SASS6: variants seen among roughly 807,000 people sequenced by gnomAD.
SASS6 encodes spindle assembly abnormal protein 6 homolog.
SASS6 carries 59 observed loss-of-function variants against 94.9 expected under a neutral mutation model. The ratio of observed to expected loss-of-function variants is 0.62; its 90% CI spans 0.50 to 0.77. The LOEUF is 0.77. SASS6 is among the 30% of genes least tolerant of loss of function. The pLI is 0.00. For missense variants in SASS6, 698 were observed against 734.1 expected (o/e 0.95, Z 0.57); for synonymous variants, 264 against 270.0 (o/e 0.98, Z 0.22).
Position 100,085,270 on chromosome 1 carries a change from A to G in SASS6, c.*58T>C, listed in dbSNP as rs1207590074. The G allele has an allele frequency of 6.4e-6, 7 of 1,088,628 alleles. No homozygotes were observed. The highest frequency in any genetic ancestry group is 1.0e-5 in the Non-Finnish European group (7 of 703,194). The allele number at this position is 1,088,628 out of a possible 1,614,324, so 67.4% of individuals were successfully genotyped here. A position where few individuals can be genotyped will look rare whatever the true frequency, so the allele number is the denominator to read the frequency against. On this transcript the variant is annotated 3_prime_UTR_variant, in exon 17 of 17. Coordinates refer to ENST00000287482, the MANE Select transcript of SASS6 (RefSeq NM_194292.3). ...TTGAGGATCTGGTTTGTGTTGACAT[A>G]TTTTTTAAGCACCTGAGTTTCTAAA...
Position 100,123,307 on chromosome 1 carries a change from GT to G in SASS6, c.127-19del. ...ACTAAGTCCTAAAAGAAAGTTTGTTGTTTTTAAATGTTTTTACTAGATCTGG... is the reference window on the plus strand; with the variant it reads ...ACTAAGTCCTAAAAGAAAGTTTGTTGTTTTAAATGTTTTTACTAGATCTGG... On this transcript the variant is annotated intron_variant, in intron 2 of 16. Coordinates refer to ENST00000287482, the MANE Select transcript of SASS6 (RefSeq NM_194292.3). 8.1e-7 allele frequency: 1 copy of G among 1,229,990 alleles called. No individual in the cohort carries two copies. The highest frequency in any genetic ancestry group is 1.2e-6 in the Non-Finnish European group (1 of 855,552). The allele number at this position is 1,229,990 out of a possible 1,614,324, so 76.2% of individuals were successfully genotyped here. A position where few individuals can be genotyped will look rare whatever the true frequency, so the allele number is the denominator to read the frequency against.
intron 12 of SASS6, 71 bp downstream of exon 12, chr1:100,106,841 G>A (rs1197391709): frequency 2.8e-6 from 2 of 711,016 alleles, no homozygotes; most frequent in African/African-American, 3.6e-5. Flanking sequence ...GTGACAGAGT[G>A]AGACCGTGTC....
chr1:100,122,549 C>T (rs1396182917), intron 3 of SASS6, 65 bp from the exon 4 acceptor site: 43 of 224,054 alleles, frequency 1.9e-4, no homozygotes, highest in East Asian at 8.1e-4. Context: ...GTTTTGGTGC[C>T]TTTTTTTTTT....
chr1:100,114,940 CTT>C (rs1420204374), intron 7 of SASS6, among the ~76,000 whole-genome samples: 1 of 152,140 alleles, frequency 6.6e-6, no homozygotes, highest in African/African-American at 2.4e-5. Flanking sequence ...ACTTAGCACT[CTT>C]TGAATTAAAA....
At chr1:100,086,865 C>CA (rs1651325177) in intron 15 of SASS6, among the ~76,000 whole-genome samples, 1 of 152,082 alleles carries the variant, frequency 6.6e-6, no homozygotes, top group Admixed American at 6.6e-5. Flanking sequence ...TTAAATATAT[C>CA]AAACATTATG....
chr1:100,107,458 G>A lies in SASS6; in HGVS notation c.1242C>T (p.Leu414=). The A allele has an allele frequency of 1.2e-6, 2 of 1,606,564 alleles. No homozygotes were observed. The highest frequency in any genetic ancestry group is 1.1e-5 in the South Asian group (1 of 90,890). Reference sequence around the variant, plus strand: ...GTAATTTTTCCTCCTTCTCAGCCAAGAGTTTTTCTTGCTGAATAGTAACTG... The same window carrying A: ...GTAATTTTTCCTCCTTCTCAGCCAAAAGTTTTTCTTGCTGAATAGTAACTG... ...KNTVTIQQEK[L]LAEKEEKLQK... Residue 414 remains leucine (L), a synonymous_variant, in exon 11 of 17, where the codon CTC becomes CTT. Coordinates refer to ENST00000287482, the MANE Select transcript of SASS6 (RefSeq NM_194292.3).
intron 13 of SASS6, among the ~76,000 whole-genome samples, chr1:100,103,595 T>C (rs1652665341): frequency 6.6e-6 from 1 of 152,188 alleles, no homozygotes; most frequent in Non-Finnish European, 1.5e-5. Flanking sequence ...CTGAGACCAG[T>C]TGTAACAGAA....
At chr1:100,123,139 G>A (rs1424946382) in intron 3 of SASS6, 71 bp downstream of exon 3, 8 of 665,120 alleles carry the variant, frequency 1.2e-5, no homozygotes, top group Middle Eastern at 3.4e-4. Flanking sequence ...GTGTTTGAAA[G>A]AGAACAGTAC....
intron 4 of SASS6, 128 bp downstream of exon 4, chr1:100,122,252 T>C (rs573878924): frequency 7.2e-5 from 34 of 475,462 alleles, no homozygotes; most frequent in South Asian, 4.9e-4. Context: ...AATGGAGGCC[T>C]AACCCCAGTT....
At position 100,107,099 on chromosome 1, in the gene SASS6, CTAT is replaced by C. The variant is rs200077494; in HGVS notation, c.1327-109_1327-107del. The C allele has an allele frequency of 2.6e-3, 1,617 of 616,902 alleles. 20 individuals are homozygous for C. In the African/African-American group the frequency reaches 0.027, roughly 10 times the overall value. 38.2% of individuals were successfully genotyped at this position (616,902 alleles called of 1,614,324 possible). The stretch of plus-strand genomic sequence containing the variant: ...ATAATTACATAAATGGTTACTACTA[CTAT>C]TATTAAATGAGAATAAAGGAATTAG... On this transcript the variant is annotated intron_variant, in intron 11 of 16. Transcript: ENST00000287482.
At chr1:100,114,598 G>A (rs1368803095) in intron 7 of SASS6, among the ~76,000 whole-genome samples, 1 of 151,740 alleles carries the variant, frequency 6.6e-6, no homozygotes, top group Non-Finnish European at 1.5e-5. Context: ...TGTATCTGTG[G>A]TCCCAGCTAC....
intron 2 of SASS6, among the ~76,000 whole-genome samples, chr1:100,125,329 T>C (rs1197426956): frequency 6.6e-6 from 1 of 150,734 alleles, no homozygotes; most frequent in Non-Finnish European, 1.5e-5. Context: ...CTAAGTGCAC[T>C]GGGCAAATCT....
chr1:100,099,377 A>G (rs1652309377), intron 14 of SASS6: 1 of 153,718 alleles, frequency 6.5e-6, no homozygotes, highest in South Asian at 2.1e-4. Context: ...AGAAACTCAA[A>G]CCCTAGAGAA....
intron 1 of SASS6, 34 bp from the exon 2 acceptor site, chr1:100,125,976 A>G (rs756756817): frequency 8.8e-7 from 1 of 1,133,914 alleles, no homozygotes; most frequent in East Asian, 2.6e-5. Context: ...CATCAGAAAC[A>G]TTCACACGAA....
At chr1:100,089,965 A>G (rs1352343107) in intron 14 of SASS6, among the ~76,000 whole-genome samples, 1 of 152,058 alleles carries the variant, frequency 6.6e-6, no homozygotes, top group African/African-American at 2.4e-5. Context: ...TAGCAAAAAG[A>G]AGGGAAGAAA....
intron 14 of SASS6, among the ~76,000 whole-genome samples, chr1:100,093,974 G>C (rs1263609880): frequency 1.3e-5 from 2 of 151,988 alleles, no homozygotes; most frequent in East Asian, 3.9e-4. Flanking sequence ...AGTTAGAAGG[G>C]AAAAAATATT....
At position 100,119,073 on chromosome 1, in the gene SASS6, G is replaced by C. The variant is rs757562676; in HGVS notation, c.614C>G (p.Ala205Gly). 3 of 1,589,120 alleles carry C rather than the reference G, an allele frequency of 1.9e-6. No individual in the cohort carries two copies. The Admixed American group carries it at 5.0e-5, about 27-fold the overall frequency. ...LRNEWASHTA[A>G]LTNKHSQELT... ...TTCCTGAGAATGCTTGTTTGTCAAG[G>C]CTGCTGTATGTGACGCCCATTCATT... The change falls in exon 7 of 17, where the codon GCC becomes GGC. Residue 205 changes from alanine (A) to glycine (G), a missense_variant. Physicochemically the swap from Ala to Gly is moderately conservative, Grantham distance 60. Transcript: ENST00000287482.
Position 100,126,179 on chromosome 1 carries a change from T to C in SASS6, c.66-237A>G, listed in dbSNP as rs184454876. 5.3e-5 allele frequency among the ~76,000 whole-genome samples: 8 copies of C among 152,346 alleles called. No individual in the cohort carries two copies. In the East Asian group the frequency reaches 1.5e-3, roughly 29 times the overall value. ...ATTTTTCTCACCTGTAAAATGGGGATATCGTGAGGATTAAATGAAATAAAC... is the reference window on the plus strand; with the variant it reads ...ATTTTTCTCACCTGTAAAATGGGGACATCGTGAGGATTAAATGAAATAAAC... On this transcript the variant is annotated intron_variant, in intron 1 of 16. Coordinates refer to ENST00000287482, the MANE Select transcript of SASS6 (RefSeq NM_194292.3).
intron 1 of SASS6, 142 bp from the exon 2 acceptor site, chr1:100,126,084 A>G (rs905864199): frequency 2.8e-5 from 16 of 563,206 alleles, no homozygotes; most frequent in Non-Finnish European, 4.4e-5. Flanking sequence ...TGAAAAGCAC[A>G]CCGGATTTGA....
Sources: gnomAD v4.1 joint callset for allele counts (sites outside exome capture counted in the v4.1 genomes callset) on GRCh38, gnomAD v4.1.1 for gene constraint, MANE v1.5 for transcripts, NCBI Gene and HGNC (gene_info 2026-07-23, HGNC 2026-07-21) for gene names.